The following IL1R1 variants were observed in gnomAD, a reference collection of about 807,000 sequenced individuals.
IL1R1 encodes interleukin-1 receptor type 1.
IL1R1 carries 22 observed loss-of-function variants against 50.2 expected under a neutral mutation model. The ratio of observed to expected loss-of-function variants is 0.44; its 90% confidence interval spans 0.31 to 0.63. The LOEUF (loss-of-function observed/expected upper bound fraction) is 0.63, where lower values mean the gene tolerates loss of function less well. Ranked by LOEUF, IL1R1 falls within the 20% of genes least tolerant of loss-of-function variation. IL1R1 has a pLI of 0.07. For missense variants in IL1R1, 509 were observed against 676.2 expected (o/e 0.75, Z 2.74); for synonymous variants, 251 against 236.7 (o/e 1.06, Z -0.55).
upstream of IL1R1, among the ~76,000 whole-genome samples, chr2:102,101,909 T>C (rs2104338577): frequency 6.6e-6 from 1 of 152,324 alleles, no homozygotes; most frequent in South Asian, 2.1e-4. Flanking sequence ...TATGACTATT[T>C]GTTTTCCCTG....
At chr2:102,165,348 A>C in intron 5 of IL1R1, 44 bp downstream of exon 5, 1 of 1,125,650 alleles carries the variant, frequency 8.9e-7, no homozygotes, top group South Asian at 1.7e-5. Flanking sequence ...CCAGAAAATA[A>C]AATAGTTCCC....
At chr2:102,165,983 A>G in intron 5 of IL1R1, 130 bp from the exon 6 acceptor site, 1 of 701,452 alleles carries the variant, frequency 1.4e-6, no homozygotes, top group East Asian at 2.7e-5. Flanking sequence ...TACTATATGT[A>G]AGGAACTTTT....
chr2:102,072,105 A>G (rs1023159949), intron 1 of IL1R1, among the ~76,000 whole-genome samples: 20 of 151,870 alleles, frequency 1.3e-4, no homozygotes, highest in Non-Finnish European at 2.1e-4. Context: ...TAAAAATACA[A>G]AAAAATTAGC....
intron 1 of IL1R1, among the ~76,000 whole-genome samples, chr2:102,076,110 G>A (rs1678945157): frequency 6.6e-6 from 1 of 151,366 alleles, no homozygotes; most frequent in Non-Finnish European, 1.5e-5. Flanking sequence ...GTTATGTTTT[G>A]AAATGTTTTA....
chr2:102,110,840 G>C (rs189750860), intron 1 of IL1R1, among the ~76,000 whole-genome samples: 2 of 152,134 alleles, frequency 1.3e-5, no homozygotes, highest in Non-Finnish European at 2.9e-5. Context: ...GCAGCCGCGG[G>C]AGTTGGCACA....
Position 102,176,914 on chromosome 2 carries a change from C to A in IL1R1, c.*155C>A. 1 of 738,030 alleles carries A rather than the reference C, an allele frequency of 1.4e-6. No individual in the cohort carries two copies. Among genetic ancestry groups the A allele is most frequent in the Non-Finnish European group, 2.2e-6 (1 of 452,654 alleles). 45.7% of individuals were successfully genotyped at this position (738,030 alleles called of 1,614,324 possible). A position where few individuals can be genotyped will look rare whatever the true frequency, so the allele number is the denominator to read the frequency against. On this transcript the variant is annotated 3_prime_UTR_variant, in exon 12 of 12. Transcript: ENST00000410023. ...GGAATCAGATTATTAAGGGAATAAG[C>A]CATGACGTCAATAGCAGCCCAGGGC...
At chr2:102,169,854 C>T (rs1685519777) in intron 7 of IL1R1, among the ~76,000 whole-genome samples, 1 of 152,194 alleles carries the variant, frequency 6.6e-6, no homozygotes, top group African/African-American at 2.4e-5. Context: ...AAGTCTTCTT[C>T]CACCTAATTC....
At chr2:102,116,268 C>T (rs1449815506) in intron 1 of IL1R1, among the ~76,000 whole-genome samples, 1 of 152,126 alleles carries the variant, frequency 6.6e-6, no homozygotes, top group Admixed American at 6.6e-5. Flanking sequence ...TTTCTTGTTC[C>T]CCCACGTAAT....
At chr2:102,097,602 C>T (rs1679961295) in intron 1 of IL1R1, among the ~76,000 whole-genome samples, 1 of 151,368 alleles carries the variant, frequency 6.6e-6, no homozygotes, top group Admixed American at 6.6e-5. Context: ...AAGAGAATAC[C>T]AAGAGTGACT....
intron 7 of IL1R1, among the ~76,000 whole-genome samples, chr2:102,170,255 A>C (rs1685558157): frequency 6.6e-6 from 1 of 152,226 alleles, no homozygotes; most frequent in Non-Finnish European, 1.5e-5. Context: ...ATTGAGAGAT[A>C]TTTCCTTAAC....
chr2:102,140,110 C>A (rs1559482525), upstream of IL1R1, among the ~76,000 whole-genome samples: 1 of 152,188 alleles, frequency 6.6e-6, no homozygotes, highest in African/African-American at 2.4e-5. Flanking sequence ...TTCTTCTGTA[C>A]TCCGTGGTTT....
At chr2:102,140,787 G>A (rs1227503312), upstream of IL1R1, among the ~76,000 whole-genome samples, 4 of 152,152 alleles carry the variant, frequency 2.6e-5, no homozygotes, top group African/African-American at 4.8e-5. Context: ...ATGGCTGAGT[G>A]AGGGAGAAGG....
chr2:102,100,955 C>G (rs534698140), upstream of IL1R1, among the ~76,000 whole-genome samples: 2 of 152,122 alleles, frequency 1.3e-5, no homozygotes, highest in African/African-American at 4.8e-5. Flanking sequence ...TAGGGCCTGA[C>G]CACAAAGGTT....
Position 102,153,943 on chromosome 2 carries a change from A to AGAC in IL1R1, c.-79_-77dup, listed in dbSNP as rs1407955018. 2.0e-5 allele frequency: 3 copies of AGAC among 152,262 alleles called. No homozygotes were observed. The highest frequency in any genetic ancestry group is 6.5e-5 in the Admixed American group (1 of 15,280). The allele number at this position is 152,262 out of a possible 1,614,324, so 9.4% of individuals were successfully genotyped here. ...CTCATGTGTTCTTCCTTCCCCAGGTAGACGCACCCTCTGAAGATGGTGACT... is the reference window on the plus strand; with the variant it reads ...CTCATGTGTTCTTCCTTCCCCAGGTAGACGACGCACCCTCTGAAGATGGTGACT... On this transcript the variant is annotated 5_prime_UTR_variant, in exon 2 of 12. Coordinates refer to ENST00000410023, the MANE Select transcript of IL1R1 (RefSeq NM_000877.4).
At chr2:102,163,006 T>C (rs1684864246) in intron 3 of IL1R1, among the ~76,000 whole-genome samples, 1 of 152,158 alleles carries the variant, frequency 6.6e-6, no homozygotes, top group African/African-American at 2.4e-5. Flanking sequence ...ATTTTAAATA[T>C]ATTTTCATGG....
intron 1 of IL1R1, among the ~76,000 whole-genome samples, chr2:102,120,604 C>T (rs1269122218): frequency 2.0e-5 from 3 of 152,144 alleles, no homozygotes; most frequent in Non-Finnish European, 2.9e-5. Flanking sequence ...GCAACTCCGG[C>T]ATAAAATGTG....
At chr2:102,151,983 G>A (rs980632562) in intron 1 of IL1R1, among the ~76,000 whole-genome samples, 2 of 152,082 alleles carry the variant, frequency 1.3e-5, no homozygotes, top group African/African-American at 4.8e-5. Flanking sequence ...AGAAGGGGCC[G>A]ATGGGATGGG....
intron 9 of IL1R1, among the ~76,000 whole-genome samples, chr2:102,173,870 G>T (rs1006927950): frequency 6.6e-6 from 1 of 152,158 alleles, no homozygotes; most frequent in Admixed American, 6.5e-5. Flanking sequence ...TCATGATCTT[G>T]TATGAAGCGA....
At chr2:102,162,567 T>TG (rs1473336400) in intron 3 of IL1R1, among the ~76,000 whole-genome samples, 2 of 152,112 alleles carry the variant, frequency 1.3e-5, no homozygotes, top group Non-Finnish European at 2.9e-5. Flanking sequence ...AACTGTTTGT[T>TG]GTGTATGTGT....
Sources: gnomAD v4.1 joint callset for allele counts (sites outside exome capture counted in the v4.1 genomes callset) on GRCh38, gnomAD v4.1.1 for gene constraint, MANE v1.5 for transcripts, NCBI Gene and HGNC (gene_info 2026-07-23, HGNC 2026-07-21) for gene names.